SULT1E1: variants seen among roughly 807,000 people sequenced by gnomAD.
SULT1E1 encodes sulfotransferase family 1E member 1.
SULT1E1 carries 36 observed loss-of-function variants against 33.6 expected under a neutral mutation model. The ratio of observed to expected loss-of-function variants is 1.07; its 90% confidence interval spans 0.82 to 1.41. SULT1E1 has a LOEUF of 1.41. SULT1E1 is among the 40% of genes most tolerant of loss of function. The pLI is 0.00. For synonymous variants in SULT1E1, 121 were observed against 111.7 expected, an observed-to-expected ratio of 1.08 and a Z score of -0.53; for missense variants, 371 against 345.7, an observed-to-expected ratio of 1.07 and a Z score of -0.58.
At chr4:69,853,710 T>A (rs2110072180) in intron 4 of SULT1E1, among the ~76,000 whole-genome samples, 1 of 152,318 alleles carries the variant, frequency 6.6e-6, no homozygotes, top group East Asian at 1.9e-4. Flanking sequence ...CTTATGTCCC[T>A]AACACATAAT....
chr4:69,826,232 A>G, the SULT1E1 span, among the ~76,000 whole-genome samples: 2 of 152,208 alleles, frequency 1.3e-5, no homozygotes, highest in South Asian at 2.1e-4. Context: ...TAACATCTTT[A>G]TAGGATGGGG....
chr4:69,854,140 A>G (rs1419385839), intron 4 of SULT1E1, 77 bp downstream of exon 4: 16 of 934,532 alleles, frequency 1.7e-5, no homozygotes, highest in Non-Finnish European at 2.6e-5. Flanking sequence ...TAAATAAACA[A>G]GTGTGTATAA....
intron 5 of SULT1E1, 48 bp from the exon 6 acceptor site, chr4:69,847,840 C>T (rs1213206033): frequency 8.3e-7 from 1 of 1,209,452 alleles, no homozygotes; most frequent in South Asian, 1.3e-5. Flanking sequence ...ATCTCTAAAA[C>T]TGCTCGAAAA....
chr4:69,833,777 T>G, the SULT1E1 span, among the ~76,000 whole-genome samples: 27 of 152,196 alleles, frequency 1.8e-4, no homozygotes, highest in Non-Finnish European at 3.5e-4. Flanking sequence ...TCTATTGCTT[T>G]TCCTCCCTTT....
chr4:69,822,363 T>C, the SULT1E1 span, among the ~76,000 whole-genome samples: 10 of 152,204 alleles, frequency 6.6e-5, no homozygotes, highest in Admixed American at 5.9e-4. Context: ...TCTCGGCACT[T>C]TTGGAGGCCA....
chr4:69,850,025 A>C (rs569170782), intron 4 of SULT1E1, among the ~76,000 whole-genome samples: 12 of 152,090 alleles, frequency 7.9e-5, no homozygotes, highest in African/African-American at 2.9e-4. Flanking sequence ...ACATAATTAA[A>C]AAAAAATAGT....
chr4:69,856,737 A>C (rs1268044199), intron 2 of SULT1E1, among the ~76,000 whole-genome samples: 5 of 152,166 alleles, frequency 3.3e-5, no homozygotes, highest in African/African-American at 1.2e-4. Flanking sequence ...GATCGAGACC[A>C]TCCTGGCTAA....
downstream of SULT1E1, among the ~76,000 whole-genome samples, chr4:69,837,407 T>C (rs1297977715): frequency 6.6e-6 from 1 of 152,092 alleles, no homozygotes; most frequent in African/African-American, 2.4e-5. Context: ...TTTGGCTTTT[T>C]CCCTGAAAGA....
At chr4:69,847,558 A>C in intron 6 of SULT1E1, 140 bp downstream of exon 6, 1 of 490,198 alleles carries the variant, frequency 2.0e-6, no homozygotes, top group East Asian at 3.3e-5. Flanking sequence ...AAGTATCTGT[A>C]TTATTTTGGT....
At chr4:69,828,885 A>G in the SULT1E1 span, among the ~76,000 whole-genome samples, 2 of 152,170 alleles carry the variant, frequency 1.3e-5, no homozygotes, top group Non-Finnish European at 2.9e-5. Context: ...GGGCTGCTAG[A>G]AGGAGATCAT....
the SULT1E1 span, among the ~76,000 whole-genome samples, chr4:69,831,628 G>A: frequency 6.6e-6 from 1 of 152,160 alleles, no homozygotes; most frequent in African/African-American, 2.4e-5. Flanking sequence ...ACATTCCAAT[G>A]GAGTGGGTTT....
intron 7 of SULT1E1, among the ~76,000 whole-genome samples, chr4:69,842,677 T>C (rs906347129): frequency 1.3e-5 from 2 of 152,214 alleles, no homozygotes; most frequent in Admixed American, 1.3e-4. Context: ...ATTCATTATA[T>C]TCAGGCTTTC....
chr4:69,856,867 C>T (rs1309433499), intron 2 of SULT1E1, among the ~76,000 whole-genome samples: 2 of 124,292 alleles, frequency 1.6e-5, no homozygotes, highest in Non-Finnish European at 3.2e-5. Flanking sequence ...ACCCAGGAGG[C>T]GGAGTTTGCA....
intron 4 of SULT1E1, among the ~76,000 whole-genome samples, chr4:69,853,803 A>C (rs1408762159): frequency 6.6e-6 from 1 of 152,172 alleles, no homozygotes; most frequent in Non-Finnish European, 1.5e-5. Flanking sequence ...AGCACCAAGC[A>C]CAGTATTTTG....
chr4:69,842,634 G>A (rs1011239853), intron 7 of SULT1E1, among the ~76,000 whole-genome samples: 4 of 152,064 alleles, frequency 2.6e-5, no homozygotes, highest in Middle Eastern at 3.2e-3. Flanking sequence ...CTACACATAA[G>A]CTTGGACGTT....
At chr4:69,844,006 G>A (rs928094767) in intron 7 of SULT1E1, among the ~76,000 whole-genome samples, 155 bp downstream of exon 7, 2 of 152,164 alleles carry the variant, frequency 1.3e-5, no homozygotes, top group Non-Finnish European at 2.9e-5. Context: ...CAATGTAATA[G>A]AAGTGTAACT....
chr4:69,849,580 G>A lies in SULT1E1; in HGVS notation c.370-17C>T. ...ATAGATTATCTAAGAGGATGAAATT[G>A]TATATTAAACCACTTAACATTTTTT... On this transcript the variant is annotated splice_polypyrimidine_tract_variant and intron_variant, in intron 4 of 7. Transcript: ENST00000226444. 3.2e-6 allele frequency: 5 copies of A among 1,572,508 alleles called. No homozygotes were observed. The highest frequency in any genetic ancestry group is 4.3e-6 in the Non-Finnish European group (5 of 1,162,818).
At chr4:69,827,717 G>A in the SULT1E1 span, among the ~76,000 whole-genome samples, 1 of 152,098 alleles carries the variant, frequency 6.6e-6, no homozygotes, top group Non-Finnish European at 1.5e-5. Flanking sequence ...TCTATAATAG[G>A]GCCAAGAGGA....
chr4:69,822,211 T>G, the SULT1E1 span, among the ~76,000 whole-genome samples: 1 of 152,234 alleles, frequency 6.6e-6, no homozygotes, highest in African/African-American at 2.4e-5. Context: ...GGGTAACTTA[T>G]TCATTTAATC....
Sources: gnomAD v4.1 joint callset for allele counts (sites outside exome capture counted in the v4.1 genomes callset) on GRCh38, gnomAD v4.1.1 for gene constraint, MANE v1.5 for transcripts, NCBI Gene and HGNC (gene_info 2026-07-23, HGNC 2026-07-21) for gene names.